CLGN: variants seen among roughly 807,000 people sequenced by gnomAD.
CLGN encodes calmegin.
Under a neutral mutation model 79.1 loss-of-function variants are expected in CLGN, and 62 were observed. That is an observed-to-expected ratio of 0.78 (90% CI 0.64 to 0.97). The LOEUF is 0.97. Ranked by LOEUF, CLGN falls within the 50% of genes least tolerant of loss-of-function variation. The probability of loss-of-function intolerance (pLI) is 0.00; values close to 1 mark genes in which losing one functional copy is unlikely to be tolerated. For missense variants in CLGN, 647 were observed against 715.5 expected (o/e 0.90, Z 1.09); for synonymous variants, 225 against 224.7 (o/e 1.00, Z -0.01).
chr4:140,400,733 A>AT lies in CLGN; in HGVS notation c.502-185dup, dbSNP rs929907433. ...AATGACAAATTTTACTTCAATATAG[A>AT]TTTTTTTAAGTACACACTACTTCCT... On this transcript the variant is annotated intron_variant, in intron 6 of 14. Transcript: ENST00000325617. Among the ~76,000 whole-genome samples the AT allele has an allele frequency of 3.3e-5, 5 of 152,248 alleles. No individual in the cohort carries two copies. The South Asian group carries it at 8.3e-4, about 25-fold the overall frequency.
chr4:140,427,408 G>A (rs3792672), intron 1 of CLGN, 129 bp downstream of exon 1: 25,381 of 152,456 alleles, frequency 0.17, 2,205 homozygotes, highest in South Asian at 0.3. Flanking sequence ...ACTTGGCCCC[G>A]ACCGGTTCAG....
chr4:140,398,271 T>TC (rs1728931662), intron 8 of CLGN, among the ~76,000 whole-genome samples: 1 of 144,756 alleles, frequency 6.9e-6, no homozygotes, highest in Admixed American at 6.9e-5. Flanking sequence ...CTCTTTTTTT[T>TC]TTTTTTTTTT....
rs1275582407 is a variant in CLGN, at chr4:140,392,515, C to T, written c.1491+71G>A. 3 of 1,510,098 alleles carry T rather than the reference C, an allele frequency of 2.0e-6. No homozygotes were observed. In the African/African-American group the frequency reaches 4.2e-5, roughly 21 times the overall value. The allele number at this position is 1,510,098 out of a possible 1,614,324, so 93.5% of individuals were successfully genotyped here. A position where few individuals can be genotyped will look rare whatever the true frequency, so the allele number is the denominator to read the frequency against. ...TTTAGTTTATTACTTTTAAGAATCG[C>T]TTAATTTATAGAACTCTTAAACAAC... On this transcript the variant is annotated intron_variant, in intron 12 of 14. Coordinates refer to ENST00000325617, the MANE Select transcript of CLGN (RefSeq NM_004362.3).
At chr4:140,424,296 T>C (rs1344696351) in intron 1 of CLGN, among the ~76,000 whole-genome samples, 1 of 152,198 alleles carries the variant, frequency 6.6e-6, no homozygotes, top group Non-Finnish European at 1.5e-5. Flanking sequence ...CTGTTTAATT[T>C]CCACATATTT....
rs1289882431 is a variant in CLGN, at chr4:140,396,878, T to C, written c.885-673A>G. Among the ~76,000 whole-genome samples the C allele has an allele frequency of 7.0e-3, 457 of 65,304 alleles. 7 individuals are homozygous for C. Among genetic ancestry groups the C allele is most frequent in the South Asian group, 0.016 (24 of 1,488 alleles). The allele number at this position is 65,304 out of a possible 152,430, so 42.8% of individuals were successfully genotyped here. A position where few individuals can be genotyped will look rare whatever the true frequency, so the allele number is the denominator to read the frequency against. On this transcript the variant is annotated intron_variant, in intron 8 of 14. Coordinates refer to ENST00000325617, the MANE Select transcript of CLGN (RefSeq NM_004362.3). ...TGGCTGGAGCATATATATATACATA[T>C]ATATATATATATGTATATATATATA...
intron 5 of CLGN, among the ~76,000 whole-genome samples, chr4:140,403,754 G>A (rs1207751400): frequency 6.6e-6 from 1 of 152,136 alleles, no homozygotes; most frequent in Non-Finnish European, 1.5e-5. Flanking sequence ...AACTTTTAGA[G>A]TTTTCAAATA....
intron 1 of CLGN, among the ~76,000 whole-genome samples, chr4:140,423,388 C>G (rs1729506890): frequency 6.6e-6 from 1 of 152,188 alleles, no homozygotes; most frequent in Non-Finnish European, 1.5e-5. Flanking sequence ...ATAAATCCAA[C>G]ATGGTCATAG....
At position 140,392,333 on chromosome 4, in the gene CLGN, G is replaced by T; in HGVS notation, c.1537C>A (p.Pro513Thr). 1 of 1,611,134 alleles carries T rather than the reference G, an allele frequency of 6.2e-7. No homozygotes were observed. ...TGCTCTAGTACTCCTTTTGTTTGTG[G>T]TATACATATGTCGGTTTTTTTATAC... ...TEYKKTDICIPQTKGVLEQEE... is the reference protein window; with the variant it reads ...TEYKKTDICITQTKGVLEQEE... The change falls in exon 13 of 15, where the codon CCA (proline) becomes ACA (threonine). Residue 513 changes from proline to threonine, a missense_variant. Transcript: ENST00000325617.
At chr4:140,418,476 AATCT>A (rs1353674441) in intron 1 of CLGN, among the ~76,000 whole-genome samples, 2 of 147,268 alleles carry the variant, frequency 1.4e-5, no homozygotes, top group Admixed American at 6.7e-5. Flanking sequence ...TAATATCCAG[AATCT>A]ACAATGAACT....
At chr4:140,394,111 C>CATTTA in intron 10 of CLGN, 70 bp from the exon 11 acceptor site, 1 of 1,097,924 alleles carries the variant, frequency 9.1e-7, no homozygotes, top group Non-Finnish European at 1.3e-6. Flanking sequence ...TAATAAGTAG[C>CATTTA]TGCTGTTGAA....
chr4:140,402,094 A>C, intron 5 of CLGN, 28 bp from the exon 6 acceptor site: 1 of 1,156,966 alleles, frequency 8.6e-7, no homozygotes, highest in Non-Finnish European at 1.2e-6. Context: ...GAACCGTACT[A>C]CTGATAAATA....
chr4:140,398,781 A>T, intron 8 of CLGN, 70 bp downstream of exon 8: 2 of 1,328,652 alleles, frequency 1.5e-6, no homozygotes, highest in Non-Finnish European at 1.1e-6. Flanking sequence ...TGGGTTGTAA[A>T]CTTCACTTAT....
At position 140,412,996 on chromosome 4, in the gene CLGN, G is replaced by A. The variant is rs140230014; in HGVS notation, c.83C>T (p.Thr28Met). The change falls in exon 2 of 15, where the codon ACG becomes ATG. Residue 28 changes from threonine to methionine, a missense_variant. Thr to Met is a moderately conservative substitution (Grantham distance 81). Transcript: ENST00000325617. ...TTCTGAATTTTCTTCAAAGTCTTCC[G>A]TCTCAACATCATCATCCATAAATTC... is the stretch of plus-strand genomic sequence containing the variant. ...NAEFMDDDVE[T>M]EDFEENSEEI... 2.3e-4 allele frequency: 367 copies of A among 1,613,244 alleles called. No individual in the cohort carries two copies. Among genetic ancestry groups the A allele is most frequent in the Middle Eastern group, 9.9e-4 (6 of 6,058 alleles).
Position 140,396,101 on chromosome 4 carries a change from G to A in CLGN, c.989C>T (p.Pro330Leu). 4 of 1,613,954 alleles carry A rather than the reference G, an allele frequency of 2.5e-6. No homozygotes were observed. The highest frequency in any genetic ancestry group is 2.5e-6 in the Non-Finnish European group (3 of 1,179,840). ...GATGAAGAGTGCTTACCAGTCATCAGGTTTTTCAGCATTAGGATCAGGGAT... is the reference window on the plus strand; with the variant it reads ...GATGAAGAGTGCTTACCAGTCATCAAGTTTTTCAGCATTAGGATCAGGGAT... ...KFIPDPNAEK[P>L]DDWNEDTDGE... The change falls in exon 9 of 15, where the codon CCT (proline) becomes CTT (leucine). Residue 330 changes from proline to leucine, a missense_variant. Transcript: ENST00000325617.
rs139813038 is a variant in CLGN at position 140,394,031 on chromosome 4, C to A, written c.1160G>T (p.Ser387Ile). ...ATCTGGATTAGGAATTTTTCGAGGA[C>A]TCCAGATTCCCTGGAAGAAAAGTAA... is the stretch of plus-strand genomic sequence containing the variant. ...VDNPNYQGIWSPRKIPNPDYF... is the reference protein window; with the variant it reads ...VDNPNYQGIWIPRKIPNPDYF... The change falls in exon 11 of 15, where the codon AGT (serine) becomes ATT (isoleucine). Residue 387 changes from serine to isoleucine, a missense_variant. Transcript: ENST00000325617. 6 of 1,607,584 alleles carry A rather than the reference C, an allele frequency of 3.7e-6. No individual in the cohort carries two copies. Among genetic ancestry groups the A allele is most frequent in the Non-Finnish European group, 5.1e-6 (6 of 1,175,846 alleles).
In CLGN at chr4:140,396,922, T is replaced by C. The variant is rs180766325; in HGVS notation, c.885-717A>G. On this transcript the variant is annotated intron_variant, in intron 8 of 14. Transcript: ENST00000325617. Reference sequence around the variant, plus strand: ...ATATATATATGTATATATATATATATACACATATATATATATACACATAGC... The same window carrying C: ...ATATATATATGTATATATATATATACACACATATATATATATACACATAGC... 3.8e-3 allele frequency among the ~76,000 whole-genome samples: 487 copies of C among 127,786 alleles called. 3 individuals carry two copies. Among genetic ancestry groups the C allele is most frequent in the African/African-American group, 0.014 (451 of 31,614 alleles). 83.8% of individuals were successfully genotyped at this position (127,786 alleles called of 152,430 possible). A position where few individuals can be genotyped will look rare whatever the true frequency, so the allele number is the denominator to read the frequency against.
intron 4 of CLGN, among the ~76,000 whole-genome samples, chr4:140,406,996 A>G (rs1432489321): frequency 6.6e-6 from 1 of 152,190 alleles, no homozygotes; most frequent in African/African-American, 2.4e-5. Flanking sequence ...TGAATCACAA[A>G]TGCTCTTATA....
intron 1 of CLGN, among the ~76,000 whole-genome samples, chr4:140,426,467 A>T (rs1255237223): frequency 3.3e-5 from 5 of 152,252 alleles, no homozygotes; most frequent in Non-Finnish European, 7.3e-5. Context: ...TGGAGATGAG[A>T]TCTAAATGTT....
chr4:140,390,612 G>A lies in CLGN; in HGVS notation c.1752+16C>T. ...GGATAACAACTATACATAGAAACCA[G>A]CTTATTTTCTGTTACCTCATCCTCT... On this transcript the variant is annotated intron_variant, in intron 14 of 14. Transcript: ENST00000325617. The A allele has an allele frequency of 6.5e-7, 1 of 1,542,890 alleles. No homozygotes were observed. Among genetic ancestry groups the A allele is most frequent in the Non-Finnish European group, 8.8e-7 (1 of 1,135,422 alleles).
Sources: gnomAD v4.1 joint callset for allele counts (sites outside exome capture counted in the v4.1 genomes callset) on GRCh38, gnomAD v4.1.1 for gene constraint, MANE v1.5 for transcripts, NCBI Gene and HGNC (gene_info 2026-07-23, HGNC 2026-07-21) for gene names.